Variants in C2CD3 observed in about 807,000 individuals in gnomAD.
The protein encoded by C2CD3 is C2 domain containing 3 centriole elongation regulator.
Under a neutral mutation model 234.0 loss-of-function variants are expected in C2CD3, and 148 were observed. That is an observed-to-expected ratio of 0.63 (90% CI 0.55 to 0.72). The LOEUF (loss-of-function observed/expected upper bound fraction) is 0.72. Ranked by LOEUF, C2CD3 falls within the 30% of genes least tolerant of loss-of-function variation. The probability of loss-of-function intolerance (pLI) is 0.00; values close to 1 mark genes in which losing one functional copy is unlikely to be tolerated. For synonymous variants in C2CD3, 1,000 were observed against 1,035.4 expected (o/e 0.97, Z 0.66); for missense variants, 2,577 against 2,811.5 (o/e 0.92, Z 1.89).
chr11:74,028,354 T>G lies in C2CD3; in HGVS notation c.6854A>C (p.Gln2285Pro). The G allele has an allele frequency of 6.5e-7, 1 of 1,536,074 alleles. No homozygotes were observed. The highest frequency in any genetic ancestry group is 8.7e-7 in the Non-Finnish European group (1 of 1,146,882). ...AAGCATCCGCAGGGAAGCCTCCAAC[T>G]GCTGGGGAGGCAAAAAGAAGTTGGG... ...VVPNFFLPPQ[Q>P]LEASLRMLSL... Residue 2285 changes from glutamine (Q) to proline (P), a missense_variant, in exon 32 of 33, where the codon CAG becomes CCG. Gln to Pro is a moderately conservative substitution (Grantham distance 76). Coordinates refer to ENST00000334126, the MANE Select transcript of C2CD3 (RefSeq NM_001286577.2).
In C2CD3 at chr11:74,058,860, T is replaced by C. The variant is rs181643401; in HGVS notation, c.4952-1316A>G. On this transcript the variant is annotated intron_variant, in intron 24 of 32. Coordinates refer to ENST00000334126, the MANE Select transcript of C2CD3 (RefSeq NM_001286577.2). Reference sequence around the variant, plus strand: ...TTAATTAAAACTAAAGATAAAAAATTTACTTCCTTGGTTGCACTAGCCATA... The same window carrying C: ...TTAATTAAAACTAAAGATAAAAAATCTACTTCCTTGGTTGCACTAGCCATA... Among the ~76,000 whole-genome samples the C allele has an allele frequency of 4.5e-3, 677 of 151,990 alleles. 3 individuals carry two copies. The highest frequency in any genetic ancestry group is 6.8e-3 in the Non-Finnish European group (464 of 67,966).
At chr11:74,086,513 G>A (rs1012634274) in intron 20 of C2CD3, among the ~76,000 whole-genome samples, 9 of 152,220 alleles carry the variant, frequency 5.9e-5, no homozygotes, top group Non-Finnish European at 1.2e-4. Flanking sequence ...TGATGGAGCT[G>A]TCTTGTTTTT....
chr11:74,062,461 T>C (rs1954292784), intron 24 of C2CD3, among the ~76,000 whole-genome samples: 1 of 152,170 alleles, frequency 6.6e-6, no homozygotes, highest in African/African-American at 2.4e-5. Flanking sequence ...GAACTCAGGA[T>C]TAAGAAATTC....
chr11:74,167,015 C>T (rs183065179), intron 2 of C2CD3, among the ~76,000 whole-genome samples: 38 of 152,220 alleles, frequency 2.5e-4, no homozygotes, highest in Non-Finnish European at 7.4e-5. Flanking sequence ...CCCGTTCAAC[C>T]GGGTTGCTTC....
intron 3 of C2CD3, among the ~76,000 whole-genome samples, chr11:74,159,056 G>C (rs61901252): frequency 0.18 from 26,981 of 152,040 alleles, 2,608 homozygotes; most frequent in East Asian, 0.3. Flanking sequence ...CCACATATAC[G>C]ACAGTGGTCC....
chr11:74,153,771 A>C (rs1006815174), intron 3 of C2CD3, among the ~76,000 whole-genome samples: 5 of 152,178 alleles, frequency 3.3e-5, no homozygotes, highest in Non-Finnish European at 4.4e-5. Context: ...GGCTCAGAGT[A>C]TCTTATTTCA....
At chr11:74,165,240 C>A (rs1269093499) in intron 2 of C2CD3, among the ~76,000 whole-genome samples, 1 of 151,970 alleles carries the variant, frequency 6.6e-6, no homozygotes, top group Non-Finnish European at 1.5e-5. Flanking sequence ...GTTCTTACTA[C>A]CTCTCTCCAG....
At chr11:74,058,138 G>C (rs1218852642) in intron 24 of C2CD3, among the ~76,000 whole-genome samples, 1 of 152,156 alleles carries the variant, frequency 6.6e-6, no homozygotes, top group East Asian at 1.9e-4. Context: ...ACTACAAAGA[G>C]TCCTGAACCT....
chr11:74,170,903 G>C lies in C2CD3; in HGVS notation c.-111C>G. On this transcript the variant is annotated 5_prime_UTR_variant, in exon 1 of 33. Transcript: ENST00000334126. ...GCGTTCCCCGGCAACCGGCGCCGCT[G>C]GGCAGCCTGGGAGGCAGGAAAAAGC... The C allele has an allele frequency of 6.4e-7, 1 of 1,574,340 alleles. No homozygotes were observed. The highest frequency in any genetic ancestry group is 1.9e-5 in the Admixed American group (1 of 52,452).
intron 30 of C2CD3, among the ~76,000 whole-genome samples, chr11:74,037,086 ATTG>A (rs1952783730): frequency 6.6e-6 from 1 of 152,162 alleles, no homozygotes; most frequent in Non-Finnish European, 1.5e-5. Context: ...AAATATGTTT[ATTG>A]TTCATTATTT....
At chr11:74,038,622 A>G (rs1476400257) in intron 29 of C2CD3, among the ~76,000 whole-genome samples, 1 of 152,146 alleles carries the variant, frequency 6.6e-6, no homozygotes, top group Non-Finnish European at 1.5e-5. Flanking sequence ...TTCTGCTGAT[A>G]CTGGAACCCC....
chr11:74,164,570 C>A (rs1382332437), intron 2 of C2CD3, among the ~76,000 whole-genome samples: 2 of 152,148 alleles, frequency 1.3e-5, no homozygotes, highest in African/African-American at 4.8e-5. Flanking sequence ...CAGGATAATA[C>A]CCGTTGCAAA....
intron 11 of C2CD3, among the ~76,000 whole-genome samples, chr11:74,109,824 G>A (rs1956675846): frequency 2.0e-5 from 3 of 152,100 alleles, no homozygotes; most frequent in Admixed American, 1.3e-4. Context: ...TGTAATCCCA[G>A]CACTTTGGGA....
At chr11:74,149,942 G>C (rs1855483901) in intron 3 of C2CD3, among the ~76,000 whole-genome samples, 1 of 152,038 alleles carries the variant, frequency 6.6e-6, no homozygotes, top group Non-Finnish European at 1.5e-5. Flanking sequence ...ACATTCTGGA[G>C]GCATTATTGA....
At chr11:74,154,469 A>T (rs191911361) in intron 3 of C2CD3, among the ~76,000 whole-genome samples, 12 of 152,336 alleles carry the variant, frequency 7.9e-5, no homozygotes, top group African/African-American at 2.6e-4. Flanking sequence ...AAATGAATGA[A>T]TGAATGAATG....
At chr11:74,033,139 C>T (rs185002183) in intron 31 of C2CD3, among the ~76,000 whole-genome samples, 77 of 152,254 alleles carry the variant, frequency 5.1e-4, no homozygotes, top group Admixed American at 1.6e-3. Context: ...TAATGTGCTA[C>T]GAATGCCTAA....
rs1955867798 is a variant in C2CD3 at position 74,090,932 on chromosome 11, T to C, written c.3522A>G (p.Leu1174=). The stretch of plus-strand genomic sequence containing the variant: ...GCCTGTACCTTAGGCCCACATCCAG[T>C]AAACCTGAAGAATGAGGACACAAGG... ...RKELRNQSSG[L]LDVGLRYRRS... Residue 1174 remains leucine (L), a synonymous_variant, in exon 20 of 33, where the codon TTA becomes TTG. Transcript: ENST00000334126. 3.7e-6 allele frequency: 6 copies of C among 1,613,702 alleles called. No individual in the cohort carries two copies. Among genetic ancestry groups the C allele is most frequent in the African/African-American group, 1.3e-5 (1 of 74,894 alleles).
chr11:74,133,636 A>G, intron 5 of C2CD3, 79 bp from the exon 6 acceptor site: 1 of 1,469,276 alleles, frequency 6.8e-7, no homozygotes, highest in South Asian at 1.2e-5. Context: ...ATTTCCTTCT[A>G]TCAGAGGACT....
At chr11:74,059,189 A>T (rs994073335) in intron 24 of C2CD3, among the ~76,000 whole-genome samples, 3 of 152,070 alleles carry the variant, frequency 2.0e-5, no homozygotes, top group African/African-American at 7.2e-5. Context: ...TGTATTCTTT[A>T]TAACTGTCTA....
Sources: allele counts gnomAD v4.1 joint callset (sites outside exome capture counted in the v4.1 genomes callset), GRCh38; gene constraint gnomAD v4.1.1; transcripts MANE v1.5; gene names NCBI Gene and HGNC (gene_info 2026-07-23, HGNC 2026-07-21).